STX3: variants seen among roughly 807,000 people sequenced by gnomAD.
STX3 encodes syntaxin 3, also known as syntaxin-3.
Under a neutral mutation model 40.2 loss-of-function variants are expected in STX3, and 19 were observed. The ratio of observed to expected loss-of-function variants is 0.47; its 90% confidence interval spans 0.33 to 0.69. The LOEUF (loss-of-function observed/expected upper bound fraction) is 0.69. STX3 is among the 30% of genes least tolerant of loss of function. The probability of loss-of-function intolerance (pLI) is 0.02; values close to 1 mark genes in which losing one functional copy is unlikely to be tolerated. For missense variants in STX3, 364 were observed against 366.7 expected (o/e 0.99, Z 0.06); for synonymous variants, 122 against 132.2 (o/e 0.92, Z 0.53).
intron 4 of STX3, chr11:59,789,253 C>CT (rs112275582): frequency 0.032 from 6,816 of 213,488 alleles, no homozygotes; most frequent in South Asian, 0.071. Context: ...ACTTGTCTCT[C>CT]TTTTTTTTTT....
intron 5 of STX3, 129 bp downstream of exon 5, chr11:59,790,715 A>T: frequency 1.4e-6 from 1 of 706,374 alleles, no homozygotes; most frequent in South Asian, 1.8e-5. Context: ...GGTAAAGGAG[A>T]ACTCTCCAGG....
rs1865993223 is a variant in STX3 at position 59,804,022 on chromosome 11, G to T, written c.*3198G>T. ...GAATAAACGTATACAGAATTGGGCG[G>T]AGGACAGGGACAGGGAGTACAGATA... On this transcript the variant is annotated 3_prime_UTR_variant, in exon 11 of 11. Coordinates refer to ENST00000337979, the MANE Select transcript of STX3 (RefSeq NM_004177.5). 6.6e-6 allele frequency: 1 copy of T among 152,578 alleles called. No individual in the cohort carries two copies. Among genetic ancestry groups the T allele is most frequent in the Non-Finnish European group, 1.5e-5 (1 of 68,068 alleles). The allele number at this position is 152,578 out of a possible 1,614,324, so 9.5% of individuals were successfully genotyped here. A position where few individuals can be genotyped will look rare whatever the true frequency, so the allele number is the denominator to read the frequency against.
At position 59,795,786 on chromosome 11, in the gene STX3, C is replaced by G. The variant is rs1403077315; in HGVS notation, c.786+304C>G. 2.2e-6 allele frequency: 3 copies of G among 1,345,704 alleles called. No homozygotes were observed. The African/African-American group carries it at 4.3e-5, about 19-fold the overall frequency. 83.4% of individuals were successfully genotyped at this position (1,345,704 alleles called of 1,614,324 possible). On this transcript the variant is annotated intron_variant, in intron 9 of 10. Coordinates refer to ENST00000337979, the MANE Select transcript of STX3 (RefSeq NM_004177.5). ...ATCTCTTCTCCCTGGCCACCCCTAC[C>G]TGTGTTCTTGAGCCCATGCCTCCCT... is the stretch of plus-strand genomic sequence containing the variant.
At chr11:59,762,876 T>C (rs550744450) in intron 1 of STX3, among the ~76,000 whole-genome samples, 10 of 152,142 alleles carry the variant, frequency 6.6e-5, no homozygotes, top group Non-Finnish European at 1.3e-4. Context: ...TGAGTGGCCT[T>C]CTTGTAGGTT....
rs1590839509 is a variant in STX3 at position 59,801,040 on chromosome 11, C to T, written c.*216C>T. ...TACCTGATGCGACCCTGAGTTCTCC[C>T]CAGAGCCTCCTCCTGCCCCACCAGC... On this transcript the variant is annotated 3_prime_UTR_variant, in exon 11 of 11. Coordinates refer to ENST00000337979, the MANE Select transcript of STX3 (RefSeq NM_004177.5). 6.7e-7 allele frequency: 1 copy of T among 1,482,098 alleles called. No individual in the cohort carries two copies. Among genetic ancestry groups the T allele is most frequent in the Non-Finnish European group, 8.9e-7 (1 of 1,118,552 alleles). 91.8% of individuals were successfully genotyped at this position (1,482,098 alleles called of 1,614,324 possible). A position where few individuals can be genotyped will look rare whatever the true frequency, so the allele number is the denominator to read the frequency against.
Position 59,805,863 on chromosome 11 carries a change from AT to A in STX3, c.*5040del. On this transcript the variant is annotated 3_prime_UTR_variant, in exon 11 of 11. Transcript: ENST00000337979. ...AAGATGGGTAGCTGGGCATCAATAA[AT>A]ATTGAATCAATTGACCTATGTACTG... 6.5e-6 allele frequency: 1 copy of A among 153,670 alleles called. No homozygotes were observed. The highest frequency in any genetic ancestry group is 1.5e-5 in the Non-Finnish European group (1 of 68,918). The allele number at this position is 153,670 out of a possible 1,614,324, so 9.5% of individuals were successfully genotyped here.
rs183414192 is a variant in STX3 at position 59,756,417 on chromosome 11, T to A, written c.30+782T>A. ...TTTAAGCCAGATATTCATTGACTCA[T>A]TCAGTACATAATTATTGAGTGTATT... On this transcript the variant is annotated intron_variant, in intron 1 of 10. Transcript: ENST00000337979. 2.6e-5 allele frequency among the ~76,000 whole-genome samples: 4 copies of A among 152,330 alleles called. No homozygotes were observed. In the East Asian group the frequency reaches 7.7e-4, roughly 29 times the overall value.
intron 4 of STX3, among the ~76,000 whole-genome samples, chr11:59,789,588 G>A (rs535723693): frequency 5.3e-5 from 8 of 152,142 alleles, no homozygotes; most frequent in Non-Finnish European, 1.2e-4. Flanking sequence ...TTACAGGCAT[G>A]CACCACCACG....
At chr11:59,786,000 G>A (rs532050967) in intron 2 of STX3, among the ~76,000 whole-genome samples, 7 of 152,256 alleles carry the variant, frequency 4.6e-5, no homozygotes, top group East Asian at 3.9e-4. Context: ...TGACAGTGGC[G>A]TTCTACCTGG....
chr11:59,801,326 CTGTT>C lies in STX3; in HGVS notation c.*507_*510del. 2 of 993,874 alleles carry C rather than the reference CTGTT, an allele frequency of 2.0e-6. No individual in the cohort carries two copies. Among genetic ancestry groups the C allele is most frequent in the Non-Finnish European group, 2.4e-6 (2 of 834,830 alleles). The allele number at this position is 993,874 out of a possible 1,614,324, so 61.6% of individuals were successfully genotyped here. On this transcript the variant is annotated 3_prime_UTR_variant, in exon 11 of 11. Transcript: ENST00000337979. ...TCTTCTACCTGGCAGGATGCCAATC[CTGTT>C]TGTTGTCCGTATGTCCTGAAAACAT...
upstream of STX3, chr11:59,754,970 C>G (rs1261074520): frequency 6.6e-6 from 1 of 151,928 alleles, no homozygotes; most frequent in Non-Finnish European, 1.5e-5. Context: ...TCCCGCTACT[C>G]GGAATGCCTT....
chr11:59,780,978 A>G (rs1565177132), intron 2 of STX3, among the ~76,000 whole-genome samples: 1 of 152,014 alleles, frequency 6.6e-6, no homozygotes, highest in Non-Finnish European at 1.5e-5. Flanking sequence ...ATAAAAGGAG[A>G]ATTGAAACAT....
intron 8 of STX3, 68 bp from the exon 9 acceptor site, chr11:59,795,304 C>T (rs1865444099): frequency 1.5e-6 from 2 of 1,292,422 alleles, no homozygotes; most frequent in South Asian, 2.6e-5. Flanking sequence ...AAAGAGAATC[C>T]CTTCCCCGCA....
chr11:59,790,585 A>C lies in STX3; in HGVS notation c.356A>C (p.Gln119Pro). 1 of 1,612,762 alleles carries C rather than the reference A, an allele frequency of 6.2e-7. No homozygotes were observed. Among genetic ancestry groups the C allele is most frequent in the Non-Finnish European group, 8.5e-7 (1 of 1,178,754 alleles). Residue 119 changes from glutamine to proline, a missense_variant and splice_region_variant, in exon 5 of 11, where the codon CAG (glutamine) becomes CCG (proline). By Grantham distance (76) the Gln-to-Pro change is moderately conservative. Coordinates refer to ENST00000337979, the MANE Select transcript of STX3 (RefSeq NM_004177.5). ...SSADLRIRKS[Q>P]HSVLSRKFVE... Reference sequence around the variant, plus strand: ...GCAGACCTTCGGATTCGGAAATCCCAGGTAAGACTTTTCCTGGTCTCATGA... The same window carrying C: ...GCAGACCTTCGGATTCGGAAATCCCCGGTAAGACTTTTCCTGGTCTCATGA...
At chr11:59,755,230 C>T, upstream of STX3, 1 of 173,748 alleles carries the variant, frequency 5.8e-6, no homozygotes. Context: ...CTGGAGGGCT[C>T]TCGGGTTAGG....
At chr11:59,763,294 A>G (rs1863130267) in intron 1 of STX3, among the ~76,000 whole-genome samples, 2 of 152,156 alleles carry the variant, frequency 1.3e-5, no homozygotes, top group African/African-American at 4.8e-5. Context: ...TTCTGGATGA[A>G]TTAACCTTCC....
chr11:59,787,348 C>A (rs1352735098), intron 3 of STX3, among the ~76,000 whole-genome samples: 1 of 152,158 alleles, frequency 6.6e-6, no homozygotes, highest in Non-Finnish European at 1.5e-5. Context: ...CCACTCCAAC[C>A]ATTTAGCTAG....
intron 1 of STX3, among the ~76,000 whole-genome samples, chr11:59,771,391 CG>C (rs1863619688): frequency 1.6e-5 from 2 of 122,924 alleles, no homozygotes; most frequent in African/African-American, 3.7e-5. Flanking sequence ...ATTTGCCCCC[CG>C]TCCCCCCACC....
chr11:59,771,196 G>A (rs1361409990), intron 1 of STX3, among the ~76,000 whole-genome samples: 26 of 152,100 alleles, frequency 1.7e-4, no homozygotes, highest in Admixed American at 6.5e-5. Flanking sequence ...AAGCTGAGGC[G>A]GGTGGATTAC....
Sources: allele counts gnomAD v4.1 joint callset (sites outside exome capture counted in the v4.1 genomes callset), GRCh38; gene constraint gnomAD v4.1.1; transcripts MANE v1.5; gene names NCBI Gene and HGNC (gene_info 2026-07-23, HGNC 2026-07-21).